DMD: variants seen among roughly 807,000 people sequenced by gnomAD.
DMD encodes dystrophin, also known as mutant dystrophin.
In DMD, 63 loss-of-function variants were observed where a neutral mutation model predicts 330.1. The observed-to-expected ratio is 0.19, with a 90% CI of 0.16 to 0.24. The LOEUF (loss-of-function observed/expected upper bound fraction) is 0.24. Ranked by LOEUF, DMD falls within the 10% of genes least tolerant of loss-of-function variation. DMD has a pLI of 1.00. For synonymous variants in DMD, 1,223 were observed against 959.8 expected, an observed-to-expected ratio of 1.27 and a Z score of -5.07; for missense variants, 3,344 against 2,684.1, an observed-to-expected ratio of 1.25 and a Z score of -5.43.
In DMD at chrX:31,931,944, A is replaced by C. The variant is rs1793701954; in HGVS notation, c.6762+136T>G. 4 of 703,037 alleles carry C rather than the reference A, an allele frequency of 5.7e-6. 1 individual carries two copies. The allele number at this position is 703,037 out of a possible 1,213,427, so 57.9% of individuals were successfully genotyped here. A position where few individuals can be genotyped will look rare whatever the true frequency, so the allele number is the denominator to read the frequency against. On this transcript the variant is annotated intron_variant, in intron 46 of 78. Coordinates refer to ENST00000357033, the MANE Select transcript of DMD (RefSeq NM_004006.3). ...CAGAACTGCAGGGTTAAGAAGAAATAAAGTTGTGAGAAAAACACTTTAGCA... is the reference window on the plus strand; with the variant it reads ...CAGAACTGCAGGGTTAAGAAGAAATCAAGTTGTGAGAAAAACACTTTAGCA...
At chrX:32,577,256 G>C (rs2053160527) in intron 13 of DMD, among the ~76,000 whole-genome samples, 1 of 111,821 alleles carries the variant, frequency 8.9e-6, no homozygotes, top group Non-Finnish European at 1.9e-5. Context: ...CAAGGAGAGA[G>C]GCCTCACAAG....
chrX:31,307,970 C>T (rs755425518), intron 62 of DMD, among the ~76,000 whole-genome samples: 208 of 111,518 alleles, frequency 1.9e-3, no homozygotes, highest in African/African-American at 6.5e-3. Flanking sequence ...AACCGTTCCA[C>T]CTCAGATCAT....
intron 64 of DMD, among the ~76,000 whole-genome samples, chrX:31,215,599 C>G (rs1419283493): frequency 8.9e-6 from 1 of 112,286 alleles, no homozygotes; most frequent in Admixed American, 9.4e-5. Flanking sequence ...TTTACCCAGT[C>G]AAATCTGAAG....
intron 48 of DMD, among the ~76,000 whole-genome samples, chrX:31,863,017 C>T (rs1367787108): frequency 8.9e-6 from 1 of 112,785 alleles, no homozygotes; most frequent in Admixed American, 9.3e-5. Flanking sequence ...CCATTTTAGG[C>T]CTGAGGCTGC....
At chrX:32,641,255 T>C (rs1408067076) in intron 11 of DMD, among the ~76,000 whole-genome samples, 1 of 110,417 alleles carries the variant, frequency 9.1e-6, no homozygotes, top group Non-Finnish European at 1.9e-5. Flanking sequence ...TGTTCTTTTT[T>C]TTCTTGGCTG....
At chrX:32,685,069 T>G (rs1260356286) in intron 9 of DMD, among the ~76,000 whole-genome samples, 1 of 111,500 alleles carries the variant, frequency 9.0e-6, no homozygotes, top group Non-Finnish European at 1.9e-5. Context: ...TATAAAAACT[T>G]TATTTCACAT....
chrX:33,248,563 A>G (rs1282318766), intron 1 of DMD, among the ~76,000 whole-genome samples: 1 of 111,638 alleles, frequency 9.0e-6, no homozygotes, highest in East Asian at 2.8e-4. Flanking sequence ...TTTACAGACC[A>G]GAAACTCTGA....
chrX:33,017,146 C>T (rs2093818898), intron 2 of DMD, among the ~76,000 whole-genome samples: 1 of 110,777 alleles, frequency 9.0e-6, no homozygotes, highest in African/African-American at 3.3e-5. Flanking sequence ...AAAATGGTAC[C>T]AGGAAAGTGG....
intron 2 of DMD, among the ~76,000 whole-genome samples, chrX:33,010,512 T>C (rs2093682364): frequency 9.1e-6 from 1 of 110,305 alleles, no homozygotes; most frequent in African/African-American, 3.3e-5. Context: ...GCATTCTGGA[T>C]TTCAGATTTT....
chrX:32,235,554 T>A (rs1450264750), intron 43 of DMD, among the ~76,000 whole-genome samples: 3 of 111,564 alleles, frequency 2.7e-5, no homozygotes, highest in Non-Finnish European at 5.6e-5. Flanking sequence ...TCTAATGCTA[T>A]GAGGGTAGAA....
At chrX:31,497,227 C>T (rs1278343044) in intron 56 of DMD, among the ~76,000 whole-genome samples, 2 of 111,824 alleles carry the variant, frequency 1.8e-5, no homozygotes, top group African/African-American at 6.5e-5. Flanking sequence ...CTGTTGTAGT[C>T]AACAATTCTT....
At chrX:32,934,423 G>A (rs1201177408) in intron 2 of DMD, among the ~76,000 whole-genome samples, 2 of 110,417 alleles carry the variant, frequency 1.8e-5, no homozygotes, top group Non-Finnish European at 3.8e-5. Flanking sequence ...CAGGTGAAGT[G>A]GCACCCACCT....
intron 34 of DMD, among the ~76,000 whole-genome samples, chrX:32,380,096 G>A (rs1307819011): frequency 9.0e-6 from 1 of 111,099 alleles, no homozygotes; most frequent in Non-Finnish European, 1.9e-5. Context: ...TCTGAAATGC[G>A]ACTTTGGCAA....
chrX:31,991,341 G>A lies in DMD; in HGVS notation c.6439-22827C>T, dbSNP rs777766981. 1.3e-4 allele frequency among the ~76,000 whole-genome samples: 15 copies of A among 111,291 alleles called. No individual in the cohort carries two copies. The South Asian group carries it at 5.3e-3, about 39-fold the overall frequency. Reference sequence around the variant, plus strand: ...AGCAGGCAGAAAGACCAGACCAGTGGCAATTACAACGTAAGGTACTATGAC... The same window carrying A: ...AGCAGGCAGAAAGACCAGACCAGTGACAATTACAACGTAAGGTACTATGAC... On this transcript the variant is annotated intron_variant, in intron 44 of 78. Transcript: ENST00000357033.
chrX:31,126,553 GCA>G (rs2033686479), intron 78 of DMD, 87 bp downstream of exon 78: 3 of 790,835 alleles, frequency 3.8e-6, no homozygotes, highest in Middle Eastern at 5.6e-4. Flanking sequence ...ACATGCGCGT[GCA>G]CACACACAAT....
At chrX:32,066,212 T>C (rs975547573) in intron 44 of DMD, among the ~76,000 whole-genome samples, 6 of 111,560 alleles carry the variant, frequency 5.4e-5, no homozygotes, top group African/African-American at 1.9e-4. Context: ...CATCGATCTT[T>C]TCCAACTCAG....
chrX:32,788,383 G>T (rs1434234660), intron 7 of DMD, among the ~76,000 whole-genome samples: 1 of 111,689 alleles, frequency 9.0e-6, no homozygotes, highest in East Asian at 2.8e-4. Context: ...GATTTTGGCC[G>T]TTGTCCTAGC....
At chrX:31,965,740 G>A (rs754539109) in intron 45 of DMD, among the ~76,000 whole-genome samples, 1 of 111,243 alleles carries the variant, frequency 9.0e-6, no homozygotes, top group Non-Finnish European at 1.9e-5. Context: ...TGGTGGCTAC[G>A]CCATCATTAA....
chrX:33,036,935 T>C (rs2094214097), intron 1 of DMD, among the ~76,000 whole-genome samples: 1 of 110,705 alleles, frequency 9.0e-6, no homozygotes, highest in Non-Finnish European at 1.9e-5. Flanking sequence ...TATAAGGGAA[T>C]GTTGGCAATC....
Sources: gnomAD v4.1 joint callset for allele counts (sites outside exome capture counted in the v4.1 genomes callset) on GRCh38, gnomAD v4.1.1 for gene constraint, MANE v1.5 for transcripts, NCBI Gene and HGNC (gene_info 2026-07-23, HGNC 2026-07-21) for gene names.